TFCP2: variants seen among roughly 807,000 people sequenced by gnomAD.
TFCP2 encodes the protein transcription factor CP2.
Under a neutral mutation model 73.4 loss-of-function variants are expected in TFCP2, and 33 were observed. The observed-to-expected ratio is 0.45, with a 90% CI of 0.34 to 0.60. TFCP2 has a LOEUF of 0.60. Ranked by LOEUF, TFCP2 falls within the 20% of genes least tolerant of loss-of-function variation. The pLI is 0.01. For synonymous variants in TFCP2, 193 were observed against 211.6 expected (o/e 0.91, Z 0.76); for missense variants, 352 against 604.0 (o/e 0.58, Z 4.37).
chr12:51,101,900 C>G, intron 11 of TFCP2, 35 bp downstream of exon 11: 1 of 1,403,818 alleles, frequency 7.1e-7, no homozygotes, highest in Non-Finnish European at 1.0e-6. Flanking sequence ...ATTTGGAATC[C>G]CAACCTTATT....
chr12:51,162,923 T>C (rs1159586064), intron 1 of TFCP2: 1 of 152,226 alleles, frequency 6.6e-6, no homozygotes, highest in African/African-American at 2.4e-5. Context: ...GCAGCACATA[T>C]ACTAAAGTTG....
chr12:51,107,166 G>T, intron 7 of TFCP2, 70 bp downstream of exon 7: 1 of 1,282,050 alleles, frequency 7.8e-7, no homozygotes, highest in Non-Finnish European at 1.1e-6. Context: ...ATTCTGACCA[G>T]TTTGGAAGTG....
chr12:51,153,442 T>G (rs2137032543), intron 1 of TFCP2, among the ~76,000 whole-genome samples: 1 of 152,248 alleles, frequency 6.6e-6, no homozygotes, highest in Admixed American at 6.5e-5. Context: ...TGCTTCAATC[T>G]GTAATATTTT....
intron 1 of TFCP2, among the ~76,000 whole-genome samples, chr12:51,141,730 T>C (rs1419906423): frequency 1.3e-5 from 2 of 149,168 alleles, no homozygotes. Context: ...TGAAAACTCA[T>C]CTCTACTAAA....
intron 1 of TFCP2, among the ~76,000 whole-genome samples, chr12:51,160,981 CT>C (rs1229701252): frequency 6.6e-6 from 1 of 152,188 alleles, no homozygotes; most frequent in Non-Finnish European, 1.5e-5. Flanking sequence ...TGCCAGAGCG[CT>C]GGCCACTGTT....
intron 10 of TFCP2, among the ~76,000 whole-genome samples, chr12:51,103,067 G>C (rs1940149762): frequency 6.6e-6 from 1 of 152,032 alleles, no homozygotes; most frequent in Non-Finnish European, 1.5e-5. Flanking sequence ...TGGATCACTT[G>C]AGGTCAGGAG....
intron 1 of TFCP2, among the ~76,000 whole-genome samples, chr12:51,148,477 G>A (rs11614806): frequency 0.89 from 136,034 of 152,090 alleles, 61,307 homozygotes; most frequent in Non-Finnish European, 0.96. Flanking sequence ...CGAGGCGGGC[G>A]GATCACAAGG....
In TFCP2 at chr12:51,172,619, G is replaced by A; in HGVS notation, c.-197C>T. 1.6e-6 allele frequency: 1 copy of A among 643,904 alleles called. No individual in the cohort carries two copies. Among genetic ancestry groups the A allele is most frequent in the East Asian group, 3.2e-5 (1 of 31,500 alleles). 39.9% of individuals were successfully genotyped at this position (643,904 alleles called of 1,614,324 possible). A position where few individuals can be genotyped will look rare whatever the true frequency, so the allele number is the denominator to read the frequency against. On this transcript the variant is annotated 5_prime_UTR_variant, in exon 1 of 15. Coordinates refer to ENST00000257915, the MANE Select transcript of TFCP2 (RefSeq NM_005653.5). ...CCCGTACCCTTGGCTGCTCGTTCTT[G>A]GCTGCCCCAGGTTCCAAAATCCCCC... is the stretch of plus-strand genomic sequence containing the variant.
intron 6 of TFCP2, among the ~76,000 whole-genome samples, chr12:51,108,254 C>T (rs1448669285): frequency 6.6e-6 from 1 of 151,532 alleles, no homozygotes; most frequent in Non-Finnish European, 1.5e-5. Flanking sequence ...CCACTGCATT[C>T]CAGCCTGGGT....
intron 1 of TFCP2, among the ~76,000 whole-genome samples, chr12:51,125,790 C>G (rs996677647): frequency 1.3e-5 from 2 of 152,172 alleles, no homozygotes; most frequent in African/African-American, 4.8e-5. Flanking sequence ...TATCTCTGAT[C>G]AAAATATAAA....
At chr12:51,149,423 A>C (rs1941373222) in intron 1 of TFCP2, among the ~76,000 whole-genome samples, 1 of 152,146 alleles carries the variant, frequency 6.6e-6, no homozygotes, top group Admixed American at 6.6e-5. Flanking sequence ...CTTAAAAAAA[A>C]AAGTAGAAGG....
chr12:51,105,632 T>A (rs1940217265), intron 8 of TFCP2, among the ~76,000 whole-genome samples: 2 of 152,378 alleles, frequency 1.3e-5, no homozygotes, highest in South Asian at 4.1e-4. Context: ...TAGCCTTAGC[T>A]GCAAAATTCA....
chr12:51,113,798 G>A (rs1474507196), intron 4 of TFCP2, among the ~76,000 whole-genome samples: 1 of 152,090 alleles, frequency 6.6e-6, no homozygotes, highest in African/African-American at 2.4e-5. Flanking sequence ...CCATTCAGTG[G>A]GGGAAAGAAC....
At chr12:51,161,998 A>G (rs1248010911) in intron 1 of TFCP2, among the ~76,000 whole-genome samples, 1 of 152,086 alleles carries the variant, frequency 6.6e-6, no homozygotes, top group Non-Finnish European at 1.5e-5. Flanking sequence ...TGAATCAAAT[A>G]GCAATTCTGG....
intron 1 of TFCP2, among the ~76,000 whole-genome samples, chr12:51,120,351 G>C (rs1375222263): frequency 6.6e-6 from 1 of 152,064 alleles, no homozygotes; most frequent in Non-Finnish European, 1.5e-5. Flanking sequence ...CAGATATAAT[G>C]CTCGACAAAA....
chr12:51,103,614 T>G, intron 10 of TFCP2, 56 bp downstream of exon 10: 3 of 1,437,320 alleles, frequency 2.1e-6, no homozygotes, highest in South Asian at 1.2e-5. Flanking sequence ...CAGGAGGCCC[T>G]AGAATGCAAA....
intron 1 of TFCP2, among the ~76,000 whole-genome samples, chr12:51,150,778 A>G (rs1941405093): frequency 6.6e-6 from 1 of 152,262 alleles, no homozygotes; most frequent in African/African-American, 2.4e-5. Context: ...GAACTGCTAT[A>G]GTACTTGCCT....
intron 1 of TFCP2, chr12:51,125,382 G>A (rs768859255): frequency 4.2e-6 from 2 of 472,818 alleles, no homozygotes; most frequent in Non-Finnish European, 8.3e-6. Flanking sequence ...CAAACTTACC[G>A]TGGACTCAAA....
intron 1 of TFCP2, among the ~76,000 whole-genome samples, chr12:51,126,388 G>A (rs1296656316): frequency 1.3e-5 from 2 of 152,162 alleles, no homozygotes; most frequent in Non-Finnish European, 2.9e-5. Context: ...AGGAACAGAA[G>A]CAATATCAGG....
Sources: gnomAD v4.1 joint callset for allele counts (sites outside exome capture counted in the v4.1 genomes callset) on GRCh38, gnomAD v4.1.1 for gene constraint, MANE v1.5 for transcripts, NCBI Gene and HGNC (gene_info 2026-07-23, HGNC 2026-07-21) for gene names.